NDUFB8: variants seen among roughly 807,000 people sequenced by gnomAD.
The protein encoded by NDUFB8 is NADH dehydrogenase [ubiquinone] 1 beta subcomplex subunit 8, mitochondrial.
Under a neutral mutation model 26.0 loss-of-function variants are expected in NDUFB8, and 17 were observed. The observed-to-expected ratio is 0.65, with a 90% confidence interval of 0.45 to 0.98. The LOEUF is 0.98. NDUFB8 is among the 50% of genes least tolerant of loss of function. The pLI is 0.00. For missense variants in NDUFB8, 238 were observed against 255.0 expected (o/e 0.93, Z 0.45); for synonymous variants, 89 against 93.1 (o/e 0.96, Z 0.25).
rs1852002061 is a variant in NDUFB8, at chr10:100,524,012, T to C, written c.469-83A>G. The C allele has an allele frequency of 6.2e-7, 1 of 1,601,668 alleles. No homozygotes were observed. The highest frequency in any genetic ancestry group is 8.5e-7 in the Non-Finnish European group (1 of 1,173,592). The stretch of plus-strand genomic sequence containing the variant: ...CCCACTCTGAGTTAACAATCACGCA[T>C]GGTAAATGGGTACACAGTAGCCTCT... On this transcript the variant is annotated intron_variant, in intron 4 of 4. Coordinates refer to ENST00000299166, the MANE Select transcript of NDUFB8 (RefSeq NM_005004.4). The surrounding 1 kb of genome is among the most constrained non-coding windows in gnomAD (Gnocchi z 4.0).
rs1852007373 is a variant in NDUFB8 at position 100,524,243 on chromosome 10, G to A, written c.469-314C>T. 9.7e-7 allele frequency: 1 copy of A among 1,027,196 alleles called. No individual in the cohort carries two copies. The highest frequency in any genetic ancestry group is 1.5e-6 in the Non-Finnish European group (1 of 675,574). 63.6% of individuals were successfully genotyped at this position (1,027,196 alleles called of 1,614,324 possible). On this transcript the variant is annotated intron_variant, in intron 4 of 4. Coordinates refer to ENST00000299166, the MANE Select transcript of NDUFB8 (RefSeq NM_005004.4). The surrounding 1 kb of genome is among the most constrained non-coding windows in gnomAD (Gnocchi z 4.0). ...AAGAAAGAGAGAAGAGTGTGTTAGA[G>A]TCAGAGGCAACACTTTCTAAATGAG...
chr10:100,523,906 A>G lies in NDUFB8; in HGVS notation c.492T>C (p.Asn164=). 1 of 1,614,170 alleles carries G rather than the reference A, an allele frequency of 6.2e-7. No homozygotes were observed. ...CACCGCCTCGTTCCAGGTACAGATT[A>G]TTGTAAGGATACTGCTTTGGTCCCT... ...QPVGPKQYPY[N]NLYLERGGDP... Residue 164 remains asparagine, a synonymous_variant, in exon 5 of 5, where the codon AAT becomes AAC. Coordinates refer to ENST00000299166, the MANE Select transcript of NDUFB8 (RefSeq NM_005004.4).
At position 100,529,868 on chromosome 10, in the gene NDUFB8, T is replaced by G; in HGVS notation, c.-17A>C. The G allele has an allele frequency of 5.0e-6, 8 of 1,613,470 alleles. No homozygotes were observed. The highest frequency in any genetic ancestry group is 6.8e-6 in the Non-Finnish European group (8 of 1,179,696). On this transcript the variant is annotated 5_prime_UTR_variant, in exon 1 of 5. Coordinates refer to ENST00000299166, the MANE Select transcript of NDUFB8 (RefSeq NM_005004.4). ...CACCGCCATCTTCACCTTCTTCACG[T>G]TTCCCTTCTGCACATGCGCAAAGGC...
At chr10:100,526,844 C>T in intron 3 of NDUFB8, 131 bp downstream of exon 3, 2 of 868,174 alleles carry the variant, frequency 2.3e-6, no homozygotes, top group Non-Finnish European at 3.7e-6. Context: ...TCTCAGATCT[C>T]ACATCACTGG....
chr10:100,529,664 C>A, intron 1 of NDUFB8, 103 bp downstream of exon 1: 1 of 1,543,754 alleles, frequency 6.5e-7, no homozygotes. Context: ...ACCTCCACTC[C>A]CTACCCGGAG....
rs568104843 is a variant in NDUFB8, at chr10:100,527,658, GAAAAA to G, written c.213-589_213-585del. ...TTCCCCAAACTTCTTTCAATAAAAA[GAAAAA>G]AAGTCACACAATCGTGTGATATTAG... On this transcript the variant is annotated intron_variant, in intron 2 of 4. Coordinates refer to ENST00000299166, the MANE Select transcript of NDUFB8 (RefSeq NM_005004.4). Among the ~76,000 whole-genome samples, 1,202 of 151,938 alleles carry G rather than the reference GAAAAA, an allele frequency of 7.9e-3. 10 individuals carry two copies. Among genetic ancestry groups the G allele is most frequent in the Non-Finnish European group, 0.012 (840 of 67,938 alleles).
Position 100,524,274 on chromosome 10 carries a change from G to T in NDUFB8, c.469-345C>A. 1 of 769,824 alleles carries T rather than the reference G, an allele frequency of 1.3e-6. No individual in the cohort carries two copies. Among genetic ancestry groups the T allele is most frequent in the Non-Finnish European group, 2.2e-6 (1 of 454,224 alleles). The allele number at this position is 769,824 out of a possible 1,614,324, so 47.7% of individuals were successfully genotyped here. On this transcript the variant is annotated intron_variant, in intron 4 of 4. Transcript: ENST00000299166. The surrounding 1 kb of genome is among the most constrained non-coding windows in gnomAD (Gnocchi z 4.0). ...GGCAACACTTTCTAAATGAGACGAT[G>T]CATCCATCCATCCCACTCTCTCTCG...
chr10:100,525,139 G>T (rs1418786874), intron 4 of NDUFB8, among the ~76,000 whole-genome samples: 1 of 152,176 alleles, frequency 6.6e-6, no homozygotes, highest in African/African-American at 2.4e-5. Context: ...ACCAAGAAGT[G>T]GGGCCTGGGA....
In NDUFB8 at chr10:100,524,227, A is replaced by G; in HGVS notation, c.469-298T>C. ...GACAGGGAGGGAGGTAAAGAAAGAG[A>G]GAAGAGTGTGTTAGAGTCAGAGGCA... is the stretch of plus-strand genomic sequence containing the variant. On this transcript the variant is annotated intron_variant, in intron 4 of 4. Transcript: ENST00000299166. This position sits in a 1 kb window ranked among gnomAD's most constrained non-coding sequence, Gnocchi z 4.0. The G allele has an allele frequency of 8.3e-7, 1 of 1,201,252 alleles. No individual in the cohort carries two copies. The highest frequency in any genetic ancestry group is 1.2e-6 in the Non-Finnish European group (1 of 830,504). The allele number at this position is 1,201,252 out of a possible 1,614,324, so 74.4% of individuals were successfully genotyped here.
intron 3 of NDUFB8, 46 bp downstream of exon 3, chr10:100,526,929 G>A (rs1479605382): frequency 3.2e-6 from 5 of 1,571,166 alleles, no homozygotes; most frequent in South Asian, 2.2e-5. Flanking sequence ...GAATCGCCAA[G>A]AAGACAAAGA....
At chr10:100,526,824 C>A in intron 3 of NDUFB8, 151 bp downstream of exon 3, 2 of 777,482 alleles carry the variant, frequency 2.6e-6, no homozygotes, top group Admixed American at 2.4e-5. Flanking sequence ...ATTCAGTGTG[C>A]CACATGCAAT....
rs1852001925 is a variant in NDUFB8 at position 100,524,006 on chromosome 10, C to T, written c.469-77G>A. The T allele has an allele frequency of 1.2e-6, 2 of 1,604,610 alleles. No homozygotes were observed. The highest frequency in any genetic ancestry group is 1.7e-6 in the Non-Finnish European group (2 of 1,175,090). ...CTACACCCCACTCTGAGTTAACAAT[C>T]ACGCATGGTAAATGGGTACACAGTA... On this transcript the variant is annotated intron_variant, in intron 4 of 4. Transcript: ENST00000299166. The surrounding 1 kb of genome is among the most constrained non-coding windows in gnomAD (Gnocchi z 4.0).
chr10:100,527,509 A>G (rs1852072813), intron 2 of NDUFB8, among the ~76,000 whole-genome samples: 1 of 152,144 alleles, frequency 6.6e-6, no homozygotes, highest in Non-Finnish European at 1.5e-5. Flanking sequence ...AGGCTGAGGC[A>G]GGAGAATCAC....
chr10:100,526,631 T>C lies in NDUFB8; in HGVS notation c.313-77A>G, dbSNP rs569070785. 9.1e-6 allele frequency: 14 copies of C among 1,544,890 alleles called. No homozygotes were observed. In the Admixed American group the frequency reaches 9.1e-5, roughly 10 times the overall value. On this transcript the variant is annotated intron_variant, in intron 3 of 4. Coordinates refer to ENST00000299166, the MANE Select transcript of NDUFB8 (RefSeq NM_005004.4). ...AGGCAAGTCCCCAGTGATTAGAGCC[T>C]GATACAAGGCTAGACAGAAGCATTC...
intron 2 of NDUFB8, chr10:100,529,172 A>C: frequency 5.3e-6 from 2 of 379,608 alleles, no homozygotes; most frequent in Non-Finnish European, 4.6e-6. Flanking sequence ...TTGAGGAAAC[A>C]GCCTGAGCCA....
rs1852009368 is a variant in NDUFB8 at position 100,524,341 on chromosome 10, T to TA, written c.469-413dup. Among the ~76,000 whole-genome samples, 1 of 151,972 alleles carries TA rather than the reference T, an allele frequency of 6.6e-6. No homozygotes were observed. Among genetic ancestry groups the TA allele is most frequent in the South Asian group, 2.1e-4 (1 of 4,816 alleles). On this transcript the variant is annotated intron_variant, in intron 4 of 4. Transcript: ENST00000299166. The surrounding 1 kb of genome is among the most constrained non-coding windows in gnomAD (Gnocchi z 4.0). ...AATCTCCTTTAAGTCACTCAGCCTC[T>TA]AATGGTTCCACCACTAAAGTGGCCC...
chr10:100,524,062 G>C lies in NDUFB8; in HGVS notation c.469-133C>G, dbSNP rs1852002768. 6.3e-7 allele frequency: 1 copy of C among 1,581,196 alleles called. No homozygotes were observed. Among genetic ancestry groups the C allele is most frequent in the Admixed American group, 1.9e-5 (1 of 53,954 alleles). ...TGGTCAGACCCAGCTGGGCTAGGAA[G>C]GCAGGAACAGCACTCCTCTTCCTCA... is the stretch of plus-strand genomic sequence containing the variant. On this transcript the variant is annotated intron_variant, in intron 4 of 4. Coordinates refer to ENST00000299166, the MANE Select transcript of NDUFB8 (RefSeq NM_005004.4). This position sits in a 1 kb window ranked among gnomAD's most constrained non-coding sequence, Gnocchi z 4.0.
Position 100,524,035 on chromosome 10 carries a change from T to C in NDUFB8, c.469-106A>G. 1 of 1,589,720 alleles carries C rather than the reference T, an allele frequency of 6.3e-7. No individual in the cohort carries two copies. ...CATGGTAAATGGGTACACAGTAGCC[T>C]CTGGTCAGACCCAGCTGGGCTAGGA... On this transcript the variant is annotated intron_variant, in intron 4 of 4. Transcript: ENST00000299166. The surrounding 1 kb of genome is among the most constrained non-coding windows in gnomAD (Gnocchi z 4.0).
chr10:100,526,278 A>T, intron 4 of NDUFB8, 121 bp downstream of exon 4: 1 of 1,182,874 alleles, frequency 8.5e-7, no homozygotes, highest in Non-Finnish European at 1.1e-6. Context: ...CTATCTTCCT[A>T]TCTCCTAAGA....
Sources: allele counts gnomAD v4.1 joint callset (sites outside exome capture counted in the v4.1 genomes callset), GRCh38; gene constraint gnomAD v4.1.1; non-coding constraint Gnocchi (gnomAD v3.1); transcripts MANE v1.5; gene names NCBI Gene and HGNC (gene_info 2026-07-23, HGNC 2026-07-21).